The following CNPY1 variants were observed in gnomAD, a reference collection of about 807,000 sequenced individuals.
The protein encoded by CNPY1 is protein canopy homolog 1.
In CNPY1, 14 loss-of-function variants were observed where a neutral mutation model predicts 14.4. The observed-to-expected ratio is 0.97, with a 90% CI of 0.64 to 1.52. The LOEUF (loss-of-function observed/expected upper bound fraction) is 1.52. Among genes scored for constraint, CNPY1 ranks in the 40% most tolerant of loss-of-function variants. CNPY1 has a pLI of 0.00. For synonymous variants in CNPY1, 43 were observed against 46.5 expected (o/e 0.92, Z 0.31); for missense variants, 129 against 131.5 (o/e 0.98, Z 0.09).
intron 2 of CNPY1, among the ~76,000 whole-genome samples, chr7:155,544,388 T>G (rs972135016): frequency 1.3e-5 from 2 of 152,232 alleles, no homozygotes; most frequent in African/African-American, 4.8e-5. Context: ...GGTCATTTCC[T>G]TGGCTCCCCT....
chr7:155,507,039 C>G lies in CNPY1; in HGVS notation c.381G>C (p.Lys127Asn). ...CAGTACCTGATTTTTCACTGCACAGCTTGTCAGCTAGATAGTGTGTCTCCT... is the reference window on the plus strand; with the variant it reads ...CAGTACCTGATTTTTCACTGCACAGGTTGTCAGCTAGATAGTGTGTCTCCT... ...IAQETHYLAD[K>N]LCSEKSDLCE... is the part of the protein sequence containing the mutation. Residue 127 changes from lysine (K) to asparagine (N), a missense_variant, in exon 4 of 5, where the codon AAG (lysine) becomes AAC (asparagine). By Grantham distance (94) the Lys-to-Asn change is moderately conservative. Transcript: ENST00000636446. The G allele has an allele frequency of 6.2e-7, 1 of 1,611,202 alleles. No homozygotes were observed. Among genetic ancestry groups the G allele is most frequent in the Non-Finnish European group, 8.5e-7 (1 of 1,177,720 alleles).
chr7:155,528,836 A>G (rs564752664), intron 2 of CNPY1, among the ~76,000 whole-genome samples: 180 of 152,290 alleles, frequency 1.2e-3, no homozygotes, highest in Non-Finnish European at 1.6e-3. Flanking sequence ...CAAGGTGGGC[A>G]GATCACGAGG....
chr7:155,509,084 T>G lies in CNPY1; in HGVS notation c.113A>C (p.Gln38Pro). 4.4e-6 allele frequency: 7 copies of G among 1,579,640 alleles called. No homozygotes were observed. The highest frequency in any genetic ancestry group is 6.0e-6 in the Non-Finnish European group (7 of 1,165,328). ...TQERRKIPLA[Q>P]SEAFLTDLLE... ...AAGATCCGTTAGGAACGCCTCCGAC[T>G]GAGCTAGGGGGATCTAAGAAGAAAG... Residue 38 changes from glutamine to proline, a missense_variant, in exon 3 of 5, where the codon CAG becomes CCG. Coordinates refer to ENST00000636446, the MANE Select transcript of CNPY1 (RefSeq NM_001393663.1).
chr7:155,517,548 G>A (rs1796644426), intron 2 of CNPY1, among the ~76,000 whole-genome samples: 1 of 152,174 alleles, frequency 6.6e-6, no homozygotes, highest in African/African-American at 2.4e-5. Flanking sequence ...CCACCTCCAG[G>A]AAGCCTGGAC....
chr7:155,515,889 G>A (rs1796612963), intron 2 of CNPY1, among the ~76,000 whole-genome samples: 1 of 152,114 alleles, frequency 6.6e-6, no homozygotes, highest in African/African-American at 2.4e-5. Context: ...AACAAGAACA[G>A]AAGGGTAGAG....
intron 2 of CNPY1, among the ~76,000 whole-genome samples, chr7:155,535,433 G>A (rs1797012114): frequency 6.6e-6 from 1 of 152,184 alleles, no homozygotes; most frequent in African/African-American, 2.4e-5. Context: ...AGAGCTTACA[G>A]GTGCACACAC....
rs375605205 is a variant in CNPY1, at chr7:155,508,933, C to A, written c.264G>T (p.Leu88Phe). 15 of 1,613,468 alleles carry A rather than the reference C, an allele frequency of 9.3e-6. No individual in the cohort carries two copies. The South Asian group carries it at 1.5e-4, about 17-fold the overall frequency. The change falls in exon 3 of 5, where the codon TTG (leucine) becomes TTT (phenylalanine). Residue 88 changes from leucine (L) to phenylalanine (F), a missense_variant. By Grantham distance (22) the Leu-to-Phe change is conservative. Coordinates refer to ENST00000636446, the MANE Select transcript of CNPY1 (RefSeq NM_001393663.1). ...GDKIYQEFKK[L>F]YFYSDAYRPL... ...GTCTGTAAGCATCAGAATAAAAATA[C>A]AATTTTTTAAATTCTTGGTATATTT...
chr7:155,523,393 G>A (rs904278555), intron 2 of CNPY1, among the ~76,000 whole-genome samples: 1 of 152,222 alleles, frequency 6.6e-6, no homozygotes, highest in African/African-American at 2.4e-5. Flanking sequence ...GGCTGCAAAG[G>A]TCAATGTTAG....
In CNPY1 at chr7:155,541,868, G is replaced by A. The variant is rs75022655; in HGVS notation, c.99+3963C>T. On this transcript the variant is annotated intron_variant, in intron 2 of 4. Coordinates refer to ENST00000636446, the MANE Select transcript of CNPY1 (RefSeq NM_001393663.1). ...GCCCTGGTACTCAGAAACCACGGCA[G>A]CCCTATAGAGGGGATGCTTTGCTTG... Among the ~76,000 whole-genome samples, 43 of 152,348 alleles carry A rather than the reference G, an allele frequency of 2.8e-4. 2 individuals are homozygous for A. In the East Asian group the frequency reaches 8.3e-3, roughly 29 times the overall value.
chr7:155,528,653 C>T (rs1046302827), intron 2 of CNPY1, among the ~76,000 whole-genome samples: 9 of 152,346 alleles, frequency 5.9e-5, no homozygotes, highest in African/African-American at 1.2e-4. Context: ...ACACTGTCTC[C>T]GCTGCCACAA....
chr7:155,536,388 C>T lies in CNPY1; in HGVS notation c.99+9443G>A, dbSNP rs1275430798. On this transcript the variant is annotated intron_variant, in intron 2 of 4. Transcript: ENST00000636446. The surrounding 1 kb of genome is among the most constrained non-coding windows in gnomAD (Gnocchi z 4.1). ...AGGAAACTTCTCAGGTCACCAAATG[C>T]ATCCAGGGCCATACTGAGGTGCCTT... Among the ~76,000 whole-genome samples the T allele has an allele frequency of 6.6e-6, 1 of 152,138 alleles. No homozygotes were observed.
intron 2 of CNPY1, among the ~76,000 whole-genome samples, chr7:155,528,645 A>C (rs1796873418): frequency 6.6e-6 from 1 of 152,224 alleles, no homozygotes; most frequent in African/African-American, 2.4e-5. Flanking sequence ...AGAACAGGAC[A>C]CTGTCTCCGC....
chr7:155,537,302 C>G (rs894816051), intron 2 of CNPY1, among the ~76,000 whole-genome samples: 28 of 151,918 alleles, frequency 1.8e-4, no homozygotes, highest in African/African-American at 6.5e-4. Context: ...ATGCATGGAG[C>G]AAAAATAGAG....
chr7:155,544,246 T>C (rs1797133893), intron 2 of CNPY1, among the ~76,000 whole-genome samples: 1 of 152,204 alleles, frequency 6.6e-6, no homozygotes, highest in Non-Finnish European at 1.5e-5. Context: ...TCATCAGTAA[T>C]GCAGAGATGC....
intron 2 of CNPY1, among the ~76,000 whole-genome samples, chr7:155,545,061 A>G (rs1329706546): frequency 6.6e-6 from 1 of 152,222 alleles, no homozygotes; most frequent in East Asian, 1.9e-4. Flanking sequence ...CCCCACACAG[A>G]CAGCCTAGTT....
chr7:155,523,977 C>A (rs977946087), intron 2 of CNPY1, among the ~76,000 whole-genome samples: 1 of 152,106 alleles, frequency 6.6e-6, no homozygotes, highest in African/African-American at 2.4e-5. Context: ...AGAGTTGCCA[C>A]CACCACCAGA....
intron 2 of CNPY1, among the ~76,000 whole-genome samples, chr7:155,519,542 T>TA (rs1318997879): frequency 7.0e-6 from 1 of 143,462 alleles, no homozygotes; most frequent in East Asian, 2.0e-4. Flanking sequence ...AATAAATAAA[T>TA]AAATAAATAA....
At chr7:155,504,607 G>C (rs1009502536) in intron 4 of CNPY1, among the ~76,000 whole-genome samples, 9 of 152,120 alleles carry the variant, frequency 5.9e-5, no homozygotes, top group African/African-American at 1.9e-4. Context: ...AGCAGTGTGT[G>C]AATATTTTAA....
chr7:155,515,934 T>C (rs28549749), intron 2 of CNPY1, among the ~76,000 whole-genome samples: 61,416 of 151,380 alleles, frequency 0.41, 12,787 homozygotes, highest in African/African-American at 0.49. Flanking sequence ...CCAGACCCCT[T>C]AGGCCCCCAG....
Sources: gnomAD v4.1 joint callset for allele counts (sites outside exome capture counted in the v4.1 genomes callset) on GRCh38, gnomAD v4.1.1 for gene constraint, Gnocchi (gnomAD v3.1) non-coding constraint, MANE v1.5 for transcripts, NCBI Gene and HGNC (gene_info 2026-07-23, HGNC 2026-07-21) for gene names.